The following CABLES1 variants were observed in gnomAD, a reference collection of about 807,000 sequenced individuals.
The protein encoded by CABLES1 is Cdk5 and Abl enzyme substrate 1, also known as CDK5 and ABL1 enzyme substrate 1.
Under a neutral mutation model 57.8 loss-of-function variants are expected in CABLES1, and 36 were observed. The observed-to-expected ratio is 0.62, with a 90% CI of 0.48 to 0.82. The LOEUF is 0.82. Ranked by LOEUF, CABLES1 falls within the 40% of genes least tolerant of loss-of-function variation. The probability of loss-of-function intolerance (pLI) is 0.00; values close to 1 mark genes in which losing one functional copy is unlikely to be tolerated. For missense variants in CABLES1, 767 were observed against 836.6 expected (o/e 0.92, Z 1.03); for synonymous variants, 374 against 363.0 (o/e 1.03, Z -0.35).
intron 1 of CABLES1, among the ~76,000 whole-genome samples, chr18:23,173,265 C>A (rs2047096368): frequency 6.6e-6 from 1 of 152,188 alleles, no homozygotes; most frequent in South Asian, 2.1e-4. Flanking sequence ...TGCCTTCAAG[C>A]CTAACCTGCT....
At chr18:23,180,689 G>A (rs1184413205) in intron 1 of CABLES1, among the ~76,000 whole-genome samples, 1 of 151,990 alleles carries the variant, frequency 6.6e-6, no homozygotes, top group African/African-American at 2.4e-5. Flanking sequence ...TTAATTCTTG[G>A]GTTTATATAT....
chr18:23,207,442 C>A (rs2047372336), intron 3 of CABLES1, among the ~76,000 whole-genome samples: 1 of 152,224 alleles, frequency 6.6e-6, no homozygotes, highest in Admixed American at 6.5e-5. Flanking sequence ...CTGGTTGCCA[C>A]TTATCCCTGA....
intron 7 of CABLES1, among the ~76,000 whole-genome samples, chr18:23,245,629 C>G (rs749068): frequency 0.048 from 7,265 of 152,240 alleles, 579 homozygotes; most frequent in Admixed American, 0.21. Flanking sequence ...TTGTCTACTC[C>G]CACTCTAGCC....
chr18:23,240,007 A>G (rs2047695177), intron 7 of CABLES1, among the ~76,000 whole-genome samples: 1 of 152,218 alleles, frequency 6.6e-6, no homozygotes, highest in East Asian at 1.9e-4. Context: ...AGTCCCAGCT[A>G]CTGGAGAGGC....
chr18:23,195,695 A>G (rs2047277331), intron 3 of CABLES1, among the ~76,000 whole-genome samples: 1 of 152,262 alleles, frequency 6.6e-6, no homozygotes, highest in African/African-American at 2.4e-5. Flanking sequence ...TCATATTTTA[A>G]GTACAATGCT....
At chr18:23,248,226 G>A (rs867624387) in intron 7 of CABLES1, among the ~76,000 whole-genome samples, 15 of 152,178 alleles carry the variant, frequency 9.9e-5, no homozygotes, top group Admixed American at 3.3e-4. Context: ...TCAACGGATC[G>A]GATATCGTCA....
At chr18:23,220,905 G>A (rs1307616435) in intron 4 of CABLES1, among the ~76,000 whole-genome samples, 1 of 152,166 alleles carries the variant, frequency 6.6e-6, no homozygotes, top group East Asian at 1.9e-4. Flanking sequence ...TGTGTGGAGT[G>A]TGTGGAGCTG....
chr18:23,218,014 G>A (rs1434511653), intron 4 of CABLES1, among the ~76,000 whole-genome samples: 2 of 152,198 alleles, frequency 1.3e-5, no homozygotes, highest in South Asian at 4.1e-4. Context: ...CATGCACATG[G>A]ACCCAGCCAC....
intron 2 of CABLES1, among the ~76,000 whole-genome samples, chr18:23,192,993 A>G (rs996059078): frequency 2.0e-5 from 3 of 152,042 alleles, no homozygotes; most frequent in African/African-American, 7.2e-5. Flanking sequence ...GTGAGCTATG[A>G]TGGCACCACT....
At chr18:23,182,936 G>C (rs564425537) in intron 1 of CABLES1, among the ~76,000 whole-genome samples, 1 of 152,226 alleles carries the variant, frequency 6.6e-6, no homozygotes, top group African/African-American at 2.4e-5. Context: ...AGGCTCAGGA[G>C]AGAGGACACC....
chr18:23,207,077 CT>C (rs2047369180), intron 3 of CABLES1, among the ~76,000 whole-genome samples: 1 of 152,146 alleles, frequency 6.6e-6, no homozygotes, highest in African/African-American at 2.4e-5. Context: ...TCCCAAAGTT[CT>C]GGGATTACAG....
At position 23,236,052 on chromosome 18, in the gene CABLES1, G is replaced by T; in HGVS notation, c.1342+1G>T. ...GGCACCCAGGGGAGCCTCGACACAGGTAACCTTGGCCTGGCTGGGTCTGGT... is the reference window on the plus strand; with the variant it reads ...GGCACCCAGGGGAGCCTCGACACAGTTAACCTTGGCCTGGCTGGGTCTGGT... On this transcript the variant is annotated splice_donor_variant, in intron 6 of 9. Transcript: ENST00000256925. LOFTEE classifies it high-confidence loss of function. The T allele has an allele frequency of 6.2e-7, 1 of 1,613,924 alleles. No individual in the cohort carries two copies. The highest frequency in any genetic ancestry group is 8.5e-7 in the Non-Finnish European group (1 of 1,179,980).
rs764796473 is a variant in CABLES1 at position 23,141,096 on chromosome 18, CAG to C, written c.845+4492_845+4493del. On this transcript the variant is annotated intron_variant, in intron 1 of 9. Coordinates refer to ENST00000256925, the MANE Select transcript of CABLES1 (RefSeq NM_001100619.3). ...TATTTCTAACCAGTTCCCTGGAATG[CAG>C]AGTGGCCACCCTTTGAGGAGGGAGG... 7.9e-5 allele frequency among the ~76,000 whole-genome samples: 12 copies of C among 152,332 alleles called. No homozygotes were observed. In the South Asian group the frequency reaches 2.5e-3, roughly 32 times the overall value.
At chr18:23,185,201 G>A (rs2047194186) in intron 1 of CABLES1, among the ~76,000 whole-genome samples, 1 of 152,190 alleles carries the variant, frequency 6.6e-6, no homozygotes, top group African/African-American at 2.4e-5. Context: ...TGTGAGAGGG[G>A]AGTTATTGGG....
Position 23,237,123 on chromosome 18 carries a change from T to A in CABLES1, c.1343-19T>A. 1 of 1,484,506 alleles carries A rather than the reference T, an allele frequency of 6.7e-7. No homozygotes were observed. Among genetic ancestry groups the A allele is most frequent in the Middle Eastern group, 1.7e-4 (1 of 5,836 alleles). 92.0% of individuals were successfully genotyped at this position (1,484,506 alleles called of 1,614,324 possible). ...CGGAGCCGCTAATTATCATTTTGCATTTTGCATGTGATCTTCAGGTAGTGA... is the reference window on the plus strand; with the variant it reads ...CGGAGCCGCTAATTATCATTTTGCAATTTGCATGTGATCTTCAGGTAGTGA... On this transcript the variant is annotated intron_variant, in intron 6 of 9. Transcript: ENST00000256925.
At chr18:23,165,816 A>C (rs1462449121) in intron 1 of CABLES1, among the ~76,000 whole-genome samples, 2 of 152,132 alleles carry the variant, frequency 1.3e-5, no homozygotes, top group Non-Finnish European at 2.9e-5. Context: ...ATGAGCATAG[A>C]TGCACAGTGT....
intron 1 of CABLES1, among the ~76,000 whole-genome samples, chr18:23,176,562 A>G (rs2047124536): frequency 6.6e-6 from 1 of 152,110 alleles, no homozygotes; most frequent in Non-Finnish European, 1.5e-5. Flanking sequence ...ATCCCCATTC[A>G]GCTTCCAGTG....
chr18:23,189,715 G>A (rs957722466), intron 2 of CABLES1, among the ~76,000 whole-genome samples: 4 of 152,232 alleles, frequency 2.6e-5, no homozygotes, highest in East Asian at 1.9e-4. Flanking sequence ...CATCTGCACC[G>A]TGCGTGCCTT....
chr18:23,211,042 T>G (rs974320391), intron 3 of CABLES1, among the ~76,000 whole-genome samples: 1 of 151,950 alleles, frequency 6.6e-6, no homozygotes, highest in Non-Finnish European at 1.5e-5. Context: ...CAGCATGTTG[T>G]CAGCCTCTCC....
Sources: allele counts gnomAD v4.1 joint callset (sites outside exome capture counted in the v4.1 genomes callset), GRCh38; gene constraint gnomAD v4.1.1; transcripts MANE v1.5; gene names NCBI Gene and HGNC (gene_info 2026-07-23, HGNC 2026-07-21).